Variants in CCDC158 observed in about 807,000 individuals in gnomAD.
CCDC158 encodes coiled-coil domain-containing protein 158.
In CCDC158, 116 loss-of-function variants were observed where a neutral mutation model predicts 138.6. That is an observed-to-expected ratio of 0.84 (90% CI 0.72 to 0.98). The LOEUF (loss-of-function observed/expected upper bound fraction) is 0.98. Ranked by LOEUF, CCDC158 falls within the 50% of genes least tolerant of loss-of-function variation. The pLI is 0.00. For synonymous variants in CCDC158, 436 were observed against 442.4 expected, an observed-to-expected ratio of 0.99 and a Z score of 0.18; for missense variants, 1,265 against 1,306.1, an observed-to-expected ratio of 0.97 and a Z score of 0.48.
intron 18 of CCDC158, among the ~76,000 whole-genome samples, chr4:76,335,019 G>A (rs1318042686): frequency 6.6e-6 from 1 of 152,182 alleles, no homozygotes; most frequent in Admixed American, 6.5e-5. Context: ...ATATCCAGCT[G>A]AAGATATGAG....
chr4:76,341,740 A>G (rs943520102), intron 18 of CCDC158, among the ~76,000 whole-genome samples: 2 of 152,272 alleles, frequency 1.3e-5, no homozygotes, highest in Non-Finnish European at 2.9e-5. Flanking sequence ...ACAAAGATAC[A>G]GTAATAACAT....
At chr4:76,384,803 T>G in intron 4 of CCDC158, 138 bp from the exon 5 acceptor site, 1 of 628,570 alleles carries the variant, frequency 1.6e-6, no homozygotes. Flanking sequence ...GTTCAAAGTC[T>G]AATTAATAAT....
In CCDC158 at chr4:76,369,320, T is replaced by C. The variant is rs1194980265; in HGVS notation, c.1347+106A>G. The C allele has an allele frequency of 3.0e-6, 3 of 1,013,824 alleles. No individual in the cohort carries two copies. The East Asian group carries it at 8.2e-5, about 28-fold the overall frequency. 62.8% of individuals were successfully genotyped at this position (1,013,824 alleles called of 1,614,324 possible). A position where few individuals can be genotyped will look rare whatever the true frequency, so the allele number is the denominator to read the frequency against. On this transcript the variant is annotated intron_variant, in intron 11 of 24. Transcript: ENST00000682701. ...ATCCATAGCTTTATTTTAGGAGCCA[T>C]TTTAGGTCCATATATGTTAAAAATA...
At chr4:76,385,604 C>T (rs1004466772) in intron 4 of CCDC158, among the ~76,000 whole-genome samples, 5 of 151,178 alleles carry the variant, frequency 3.3e-5, no homozygotes, top group African/African-American at 1.2e-4. Context: ...ATTTTTGAAA[C>T]AAAAAGTAAG....
chr4:76,408,233 A>C (rs968803212), intron 2 of CCDC158, among the ~76,000 whole-genome samples: 2 of 151,722 alleles, frequency 1.3e-5, no homozygotes, highest in Non-Finnish European at 2.9e-5. Flanking sequence ...CATGTGCACA[A>C]CGTGCAGGTT....
chr4:76,348,287 T>C (rs2110160045), intron 18 of CCDC158, among the ~76,000 whole-genome samples: 1 of 145,224 alleles, frequency 6.9e-6, no homozygotes, highest in Middle Eastern at 3.4e-3. Flanking sequence ...AAAAAAAAAT[T>C]AGCCAGGCGA....
At chr4:76,406,231 A>C (rs866763458) in intron 2 of CCDC158, among the ~76,000 whole-genome samples, 4 of 152,228 alleles carry the variant, frequency 2.6e-5, no homozygotes, top group South Asian at 2.1e-4. Context: ...CAAGCCAGAG[A>C]GCATTAACTA....
At chr4:76,373,096 G>T (rs572667924) in intron 9 of CCDC158, among the ~76,000 whole-genome samples, 1 of 152,162 alleles carries the variant, frequency 6.6e-6, no homozygotes, top group African/African-American at 2.4e-5. Flanking sequence ...TGATCCACCC[G>T]CCTCAGCCTC....
At chr4:76,376,500 T>TA (rs1454290807) in intron 9 of CCDC158, among the ~76,000 whole-genome samples, 1 of 152,244 alleles carries the variant, frequency 6.6e-6, no homozygotes. Flanking sequence ...TAATAGGCTT[T>TA]AGCAATGCCA....
chr4:76,329,980 T>C (rs984037302), intron 21 of CCDC158, among the ~76,000 whole-genome samples: 1 of 152,214 alleles, frequency 6.6e-6, no homozygotes, highest in African/African-American at 2.4e-5. Flanking sequence ...TTGGAGCATA[T>C]AGTTATTTTT....
chr4:76,351,865 AT>A (rs759940666), intron 16 of CCDC158, 53 bp from the exon 17 acceptor site: 30 of 1,129,232 alleles, frequency 2.7e-5, no homozygotes, highest in African/African-American at 4.6e-5. Context: ...ATGCACTTAT[AT>A]TTTATTAACC....
At chr4:76,391,310 T>A (rs568484158) in intron 4 of CCDC158, among the ~76,000 whole-genome samples, 2 of 152,074 alleles carry the variant, frequency 1.3e-5, no homozygotes, top group East Asian at 3.9e-4. Context: ...CAAGAAAACC[T>A]GAAATAATAT....
At chr4:76,408,303 A>G (rs1729001719) in intron 2 of CCDC158, among the ~76,000 whole-genome samples, 1 of 152,036 alleles carries the variant, frequency 6.6e-6, no homozygotes, top group Non-Finnish European at 1.5e-5. Flanking sequence ...TGTCATTTAC[A>G]TTAGGTATAT....
intron 12 of CCDC158, among the ~76,000 whole-genome samples, chr4:76,364,326 T>G (rs1334581334): frequency 2.6e-5 from 4 of 152,152 alleles, no homozygotes; most frequent in African/African-American, 9.7e-5. Flanking sequence ...TCTATCTGTG[T>G]TGGTAAGGCT....
rs143130108 is a variant in CCDC158, at chr4:76,352,152, C to A, written c.2446-340G>T. Reference sequence around the variant, plus strand: ...GGGCATGGTGGCTCACACCTGTAATCCCAGCACTTTGGGAGGCCGAGGCAG... The same window carrying A: ...GGGCATGGTGGCTCACACCTGTAATACCAGCACTTTGGGAGGCCGAGGCAG... On this transcript the variant is annotated intron_variant, in intron 16 of 24. Coordinates refer to ENST00000682701, the MANE Select transcript of CCDC158 (RefSeq NM_001394954.1). 39 of 167,512 alleles carry A rather than the reference C, an allele frequency of 2.3e-4. 1 individual carries two copies. In the East Asian group the frequency reaches 5.3e-3, roughly 23 times the overall value. 10.4% of individuals were successfully genotyped at this position (167,512 alleles called of 1,614,324 possible). A position where few individuals can be genotyped will look rare whatever the true frequency, so the allele number is the denominator to read the frequency against.
intron 1 of CCDC158, among the ~76,000 whole-genome samples, chr4:76,418,733 T>C (rs1393158240): frequency 2.6e-5 from 4 of 152,106 alleles, no homozygotes; most frequent in Admixed American, 6.5e-5. Flanking sequence ...ATGATTCAAT[T>C]ACCTTCCACT....
At chr4:76,342,869 T>C (rs1390160114) in intron 18 of CCDC158, among the ~76,000 whole-genome samples, 1 of 152,204 alleles carries the variant, frequency 6.6e-6, no homozygotes, top group Non-Finnish European at 1.5e-5. Context: ...GGCTCACGAA[T>C]TGGAAGTCTC....
At chr4:76,324,447 C>T (rs1720337853) in intron 23 of CCDC158, among the ~76,000 whole-genome samples, 1 of 151,910 alleles carries the variant, frequency 6.6e-6, no homozygotes, top group African/African-American at 2.4e-5. Flanking sequence ...TCAGCCTTCC[C>T]AAGTGTTGGG....
chr4:76,337,746 A>G (rs919749537), intron 18 of CCDC158, among the ~76,000 whole-genome samples: 6 of 152,168 alleles, frequency 3.9e-5, no homozygotes, highest in African/African-American at 1.4e-4. Context: ...AAAAAAAAAA[A>G]AGAAGAAAAT....
Sources: gnomAD v4.1 joint callset for allele counts (sites outside exome capture counted in the v4.1 genomes callset) on GRCh38, gnomAD v4.1.1 for gene constraint, MANE v1.5 for transcripts, NCBI Gene and HGNC (gene_info 2026-07-23, HGNC 2026-07-21) for gene names.